Variants in MCM9 observed in about 807,000 individuals in gnomAD.
MCM9 encodes the protein minichromosome maintenance 9 homologous recombination repair factor.
Under a neutral mutation model 72.8 loss-of-function variants are expected in MCM9, and 55 were observed. That is an observed-to-expected ratio of 0.76 (90% confidence interval 0.61 to 0.95). The LOEUF (loss-of-function observed/expected upper bound fraction) is 0.95. Ranked by LOEUF, MCM9 falls within the 40% of genes least tolerant of loss-of-function variation. The pLI is 0.00. For missense variants in MCM9, 1,279 were observed against 1,377.0 expected, an observed-to-expected ratio of 0.93 and a Z score of 1.13; for synonymous variants, 480 against 503.4, an observed-to-expected ratio of 0.95 and a Z score of 0.62.
intron 7 of MCM9, chr6:118,912,540 G>C (rs1269634978): frequency 6.6e-6 from 1 of 152,198 alleles, no homozygotes; most frequent in Non-Finnish European, 1.5e-5. Context: ...ATTTGGCAGA[G>C]TGCCTTGCAA....
At chr6:118,893,290 T>C (rs1460449607) in intron 8 of MCM9, among the ~76,000 whole-genome samples, 2 of 152,200 alleles carry the variant, frequency 1.3e-5, no homozygotes, top group Non-Finnish European at 2.9e-5. Context: ...TTTTTGAAGA[T>C]CAAATGTCTT....
rs1774165944 is a variant in MCM9 at position 118,826,362 on chromosome 6, C to A, written c.1816-70G>T. 1.1e-5 allele frequency: 16 copies of A among 1,461,834 alleles called. No homozygotes were observed. The Admixed American group carries it at 1.8e-4, about 16-fold the overall frequency. 90.6% of individuals were successfully genotyped at this position (1,461,834 alleles called of 1,614,324 possible). A position where few individuals can be genotyped will look rare whatever the true frequency, so the allele number is the denominator to read the frequency against. On this transcript the variant is annotated intron_variant, in intron 12 of 13. Coordinates refer to ENST00000619706, the MANE Select transcript of MCM9 (RefSeq NM_017696.3). ...CATAGCGGTAAGTACACTCTAGGGA[C>A]CAGCAATCCCCGGGGGCTAAGACCG...
intron 5 of MCM9, 39 bp from the exon 6 acceptor site, chr6:118,917,800 T>C: frequency 6.4e-7 from 1 of 1,551,690 alleles, no homozygotes; most frequent in Non-Finnish European, 8.9e-7. Context: ...AGTAGCATCC[T>C]GCATGCTGAG....
At chr6:118,857,778 C>A (rs1776656772) in intron 8 of MCM9, among the ~76,000 whole-genome samples, 1 of 152,028 alleles carries the variant, frequency 6.6e-6, no homozygotes, top group Non-Finnish European at 1.5e-5. Context: ...ACAAAATAGT[C>A]AAATTTTTTT....
chr6:118,826,781 C>T lies in MCM9; in HGVS notation c.1815+1G>A. On this transcript the variant is annotated splice_donor_variant, in intron 12 of 13. Transcript: ENST00000619706. LOFTEE classifies it high-confidence loss of function. ...AAATTAGGTACACAAAATATCCTTA[C>T]CTGCATTGAGGACTCCATGACTGAC... 6.5e-7 allele frequency: 1 copy of T among 1,545,702 alleles called. No individual in the cohort carries two copies. Among genetic ancestry groups the T allele is most frequent in the Non-Finnish European group, 8.7e-7 (1 of 1,144,570 alleles).
Position 118,816,111 on chromosome 6 carries a change from A to G in MCM9, c.2145T>C (p.Asp715=). ...GGSPEGSPVL[D]PPPHLEPNRS... ...TATTAGGCTCCAGATGCGGTGGGGG[A>G]TCTAGAACTGGGCTTCCCTCGGGGC... is the stretch of plus-strand genomic sequence containing the variant. The change falls in exon 14 of 14, where the codon GAT becomes GAC. Residue 715 remains aspartate (D), a synonymous_variant. Transcript: ENST00000619706. 6.5e-7 allele frequency: 1 copy of G among 1,550,182 alleles called. No individual in the cohort carries two copies. Among genetic ancestry groups the G allele is most frequent in the Non-Finnish European group, 8.7e-7 (1 of 1,146,820 alleles).
At chr6:118,820,973 T>G (rs1773764520) in intron 13 of MCM9, among the ~76,000 whole-genome samples, 1 of 152,178 alleles carries the variant, frequency 6.6e-6, no homozygotes, top group Non-Finnish European at 1.5e-5. Context: ...TTCCATTTGC[T>G]TGGTAAATAT....
At chr6:118,872,680 C>A (rs957172791) in intron 8 of MCM9, among the ~76,000 whole-genome samples, 3 of 151,840 alleles carry the variant, frequency 2.0e-5, no homozygotes, top group Non-Finnish European at 4.4e-5. Context: ...AAAACACACA[C>A]ACAACTTATC....
intron 8 of MCM9, among the ~76,000 whole-genome samples, chr6:118,885,098 A>G (rs906887066): frequency 1.3e-5 from 2 of 152,212 alleles, no homozygotes; most frequent in Non-Finnish European, 2.9e-5. Flanking sequence ...CAGGAGGCTG[A>G]GGCAGGAGAA....
chr6:118,894,041 T>A (rs1363847003), intron 8 of MCM9: 1 of 1,005,686 alleles, frequency 9.9e-7, no homozygotes, highest in Non-Finnish European at 1.2e-6. Flanking sequence ...TTCTCCGCCT[T>A]TGTCCTAATC....
At chr6:118,880,171 TA>T (rs544369371) in intron 8 of MCM9, among the ~76,000 whole-genome samples, 1,738 of 147,372 alleles carry the variant, frequency 0.012, 33 homozygotes, top group African/African-American at 0.038. Context: ...TTAGCCTAAT[TA>T]AAAAAAAAAA....
chr6:118,815,737 A>G lies in MCM9; in HGVS notation c.2519T>C (p.Leu840Pro). Residue 840 changes from leucine to proline, a missense_variant, in exon 14 of 14, where the codon CTG becomes CCG. Coordinates refer to ENST00000619706, the MANE Select transcript of MCM9 (RefSeq NM_017696.3). ...AVSADKPDSVLTHHVPRNLQK... is the reference protein window; with the variant it reads ...AVSADKPDSVPTHHVPRNLQK... ...CAGGTTCCTGGGGACATGATGAGTC[A>G]GTACTGAGTCTGGTTTATCAGCAGA... 1 of 1,544,576 alleles carries G rather than the reference A, an allele frequency of 6.5e-7. No individual in the cohort carries two copies. Among genetic ancestry groups the G allele is most frequent in the Non-Finnish European group, 8.7e-7 (1 of 1,146,944 alleles).
At chr6:118,824,345 C>CTTTTTTTTTTTTTTT (rs781078527) in intron 13 of MCM9, among the ~76,000 whole-genome samples, 8 of 148,840 alleles carry the variant, frequency 5.4e-5, no homozygotes, top group African/African-American at 1.8e-4. Context: ...TTTAGTCTTT[C>CTTTTTTTTTTTTTTT]TTTTTTTTTC....
At chr6:118,835,028 A>T (rs1045135894) in intron 9 of MCM9, among the ~76,000 whole-genome samples, 15 of 152,110 alleles carry the variant, frequency 9.9e-5, no homozygotes, top group African/African-American at 3.6e-4. Flanking sequence ...TTTTTGTATA[A>T]GGTGTAAGGA....
intron 13 of MCM9, among the ~76,000 whole-genome samples, chr6:118,824,489 A>C (rs1774037453): frequency 6.6e-6 from 1 of 152,040 alleles, no homozygotes; most frequent in African/African-American, 2.4e-5. Flanking sequence ...TTGTATTTTT[A>C]GTAGAGACAG....
intron 9 of MCM9, among the ~76,000 whole-genome samples, chr6:118,837,992 T>C (rs1396972442): frequency 6.6e-6 from 1 of 152,200 alleles, no homozygotes; most frequent in African/African-American, 2.4e-5. Flanking sequence ...TTGCAGTGGC[T>C]GGTACCAGTT....
In MCM9 at chr6:118,866,242, A is replaced by C. The variant is rs192740290; in HGVS notation, c.1151-9697T>G. Among the ~76,000 whole-genome samples, 60 of 152,360 alleles carry C rather than the reference A, an allele frequency of 3.9e-4. 1 individual carries two copies. The highest frequency in any genetic ancestry group is 3.0e-3 in the Admixed American group (46 of 15,304). On this transcript the variant is annotated intron_variant, in intron 8 of 13. Transcript: ENST00000619706. ...TGAGAACTTTCTCCTACATGAGACA[A>C]GTCTGACAAGACTGGGAGAGGTAGT...
rs997512836 is a variant in MCM9, at chr6:118,851,148, G to T, written c.1325+5223C>A. On this transcript the variant is annotated intron_variant, in intron 9 of 13. Coordinates refer to ENST00000619706, the MANE Select transcript of MCM9 (RefSeq NM_017696.3). ...AATTATTGAACCATGTGAGAAATGT[G>T]AAGTCTGGTTGAAATTTTCAGGCCA... 6.6e-5 allele frequency among the ~76,000 whole-genome samples: 10 copies of T among 151,788 alleles called. 1 individual carries two copies. The highest frequency in any genetic ancestry group is 2.4e-4 in the African/African-American group (10 of 41,098).
chr6:118,915,344 G>C (rs1780851623), intron 6 of MCM9, among the ~76,000 whole-genome samples: 1 of 152,162 alleles, frequency 6.6e-6, no homozygotes, highest in South Asian at 2.1e-4. Flanking sequence ...CTACTCTTGT[G>C]TGGCCCTCAG....
Sources: allele counts gnomAD v4.1 joint callset (sites outside exome capture counted in the v4.1 genomes callset), GRCh38; gene constraint gnomAD v4.1.1; transcripts MANE v1.5; gene names NCBI Gene and HGNC (gene_info 2026-07-23, HGNC 2026-07-21).